The following DOCK4 variants were observed in gnomAD, a reference collection of about 807,000 sequenced individuals.
The protein encoded by DOCK4 is dedicator of cytokinesis 4.
A neutral mutation model predicts 268.1 loss-of-function variants in DOCK4; 97 were observed. That is an observed-to-expected ratio of 0.36 (90% CI 0.31 to 0.43). The LOEUF (loss-of-function observed/expected upper bound fraction) is 0.43. Ranked by LOEUF, DOCK4 falls within the 20% of genes least tolerant of loss-of-function variation. The probability of loss-of-function intolerance (pLI) is 1.00; values close to 1 mark genes in which losing one functional copy is unlikely to be tolerated. For synonymous variants in DOCK4, 954 were observed against 887.2 expected (o/e 1.08, Z -1.34); for missense variants, 2,145 against 2,455.7 (o/e 0.87, Z 2.67).
At chr7:111,995,361 C>A (rs1799853929) in intron 4 of DOCK4, among the ~76,000 whole-genome samples, 1 of 151,034 alleles carries the variant, frequency 6.6e-6, no homozygotes, top group African/African-American at 2.4e-5. Flanking sequence ...CTGTATCCTA[C>A]CTTTGGCATA....
intron 26 of DOCK4, among the ~76,000 whole-genome samples, chr7:111,833,564 C>T (rs1260808725): frequency 6.6e-6 from 1 of 151,598 alleles, no homozygotes; most frequent in Admixed American, 6.6e-5. Flanking sequence ...AAAAAAGATT[C>T]AATGTAAGAA....
At chr7:111,952,701 T>A (rs535596586) in intron 8 of DOCK4, among the ~76,000 whole-genome samples, 106 of 152,244 alleles carry the variant, frequency 7.0e-4, no homozygotes, top group Middle Eastern at 3.4e-3. Flanking sequence ...CACAAAAAAT[T>A]ACAAAGAACG....
At chr7:112,025,049 A>G (rs1802653786) in intron 1 of DOCK4, among the ~76,000 whole-genome samples, 1 of 152,232 alleles carries the variant, frequency 6.6e-6, no homozygotes, top group Non-Finnish European at 1.5e-5. Flanking sequence ...GGTCATTGAG[A>G]AAGCACTAAT....
chr7:111,876,502 G>A (rs1236063692), intron 17 of DOCK4, among the ~76,000 whole-genome samples: 8 of 151,970 alleles, frequency 5.3e-5, no homozygotes, highest in Admixed American at 5.2e-4. Context: ...ATATGACAAC[G>A]ATAAAAAACT....
chr7:111,915,751 T>A, intron 13 of DOCK4, 28 bp downstream of exon 13: 1 of 1,607,374 alleles, frequency 6.2e-7, no homozygotes, highest in Non-Finnish European at 8.5e-7. Flanking sequence ...CCATATTTCA[T>A]CATATCGGTA....
At chr7:111,790,697 A>G in intron 30 of DOCK4, 92 bp from the exon 31 acceptor site, 3 of 1,341,414 alleles carry the variant, frequency 2.2e-6, no homozygotes, top group Non-Finnish European at 2.0e-6. Context: ...AACTATTGCT[A>G]GAAATATATT....
intron 1 of DOCK4, among the ~76,000 whole-genome samples, chr7:112,189,507 T>G (rs897546520): frequency 6.6e-6 from 1 of 152,154 alleles, no homozygotes; most frequent in Non-Finnish European, 1.5e-5. Context: ...TCACATGGTG[T>G]TGTAAAGACT....
intron 24 of DOCK4, among the ~76,000 whole-genome samples, chr7:111,846,664 T>C (rs927813527): frequency 6.6e-6 from 1 of 151,846 alleles, no homozygotes; most frequent in Non-Finnish European, 1.5e-5. Context: ...AAAAACGACT[T>C]CATGTTGCAA....
chr7:112,184,798 T>TA (rs1012384035), intron 1 of DOCK4, among the ~76,000 whole-genome samples: 9 of 151,680 alleles, frequency 5.9e-5, no homozygotes, highest in Admixed American at 5.3e-4. Flanking sequence ...CCCCCCCCCT[T>TA]AGAGCTTGCA....
intron 36 of DOCK4, among the ~76,000 whole-genome samples, chr7:111,772,603 C>G (rs562680534): frequency 1.7e-4 from 26 of 151,462 alleles, no homozygotes; most frequent in African/African-American, 5.9e-4. Flanking sequence ...CGAGACCAGC[C>G]TGGCTGACAT....
intron 41 of DOCK4, among the ~76,000 whole-genome samples, chr7:111,758,160 T>TA (rs1797160217): frequency 6.6e-6 from 1 of 152,216 alleles, no homozygotes; most frequent in Non-Finnish European, 1.5e-5. Context: ...TTACCCAACG[T>TA]ACCAGCAGTC....
At chr7:111,734,003 T>C (rs1460040103) in intron 51 of DOCK4, among the ~76,000 whole-genome samples, 1 of 152,208 alleles carries the variant, frequency 6.6e-6, no homozygotes, top group African/African-American at 2.4e-5. Flanking sequence ...AGTGGCTCAA[T>C]CTTGGCTCAC....
chr7:112,140,300 C>A, intron 1 of DOCK4, among the ~76,000 whole-genome samples: 1 of 151,670 alleles, frequency 6.6e-6, no homozygotes, highest in African/African-American at 2.4e-5. Context: ...CCCCCACCTG[C>A]AGGACCTTGT....
chr7:111,999,509 A>G (rs1800250630), intron 3 of DOCK4, among the ~76,000 whole-genome samples: 1 of 152,102 alleles, frequency 6.6e-6, no homozygotes, highest in Non-Finnish European at 1.5e-5. Context: ...AATATGGTCT[A>G]AATGAATTCA....
chr7:111,842,527 A>T (rs560403102), intron 25 of DOCK4, among the ~76,000 whole-genome samples: 2 of 152,296 alleles, frequency 1.3e-5, no homozygotes, highest in East Asian at 3.9e-4. Context: ...CCTCATGAGG[A>T]TGTAGTGAGG....
chr7:112,128,637 A>G (rs140615875), intron 1 of DOCK4, among the ~76,000 whole-genome samples: 54,667 of 152,028 alleles, frequency 0.36, 11,937 homozygotes, highest in South Asian at 0.53. Context: ...GCTCTCTGAA[A>G]CATGTCCTCT....
At chr7:111,856,160 G>A (rs879837952) in intron 23 of DOCK4, among the ~76,000 whole-genome samples, 2 of 152,298 alleles carry the variant, frequency 1.3e-5, no homozygotes, top group East Asian at 1.9e-4. Context: ...GATGAGTGAC[G>A]TGTAAGAAAT....
At chr7:111,896,173 C>T (rs1808732009) in intron 15 of DOCK4, among the ~76,000 whole-genome samples, 2 of 152,086 alleles carry the variant, frequency 1.3e-5, no homozygotes, top group Non-Finnish European at 2.9e-5. Flanking sequence ...TAAGCTCTAC[C>T]CTGGTCCATG....
At chr7:112,085,627 C>A (rs141414025) in intron 1 of DOCK4, among the ~76,000 whole-genome samples, 1 of 152,014 alleles carries the variant, frequency 6.6e-6, no homozygotes, top group East Asian at 1.9e-4. Context: ...AATAAATGTA[C>A]AAGAAATGAC....
Sources: gnomAD v4.1 joint callset for allele counts (sites outside exome capture counted in the v4.1 genomes callset) on GRCh38, gnomAD v4.1.1 for gene constraint, MANE v1.5 for transcripts, NCBI Gene and HGNC (gene_info 2026-07-23, HGNC 2026-07-21) for gene names.